The following SEPTIN14 variants were observed in gnomAD, a reference collection of about 807,000 sequenced individuals.
SEPTIN14 encodes septin 14.
Under a neutral mutation model 53.6 loss-of-function variants are expected in SEPTIN14, and 40 were observed. The ratio of observed to expected loss-of-function variants is 0.75; its 90% confidence interval spans 0.58 to 0.97. The LOEUF (loss-of-function observed/expected upper bound fraction) is 0.97. Among genes scored for constraint, SEPTIN14 ranks in the 50% least tolerant of loss-of-function variants. The probability of loss-of-function intolerance (pLI) is 0.00; values close to 1 mark genes in which losing one functional copy is unlikely to be tolerated. For missense variants in SEPTIN14, 471 were observed against 508.2 expected (o/e 0.93, Z 0.70); for synonymous variants, 138 against 166.8 (o/e 0.83, Z 1.33).
chr7:55,862,598 T>A (rs1789769268), intron 1 of SEPTIN14, 90 bp downstream of exon 1: 1 of 152,278 alleles, frequency 6.6e-6, no homozygotes, highest in Non-Finnish European at 1.5e-5. Flanking sequence ...TTTACCTCTG[T>A]TAGTCCTCAT....
chr7:55,809,982 G>A lies in SEPTIN14; in HGVS notation c.818-2724C>T, dbSNP rs150142205. On this transcript the variant is annotated intron_variant, in intron 7 of 9. Coordinates refer to ENST00000388975, the MANE Select transcript of SEPTIN14 (RefSeq NM_207366.3). ...CAAGTAGCTGGGACTACAGGCGCCC[G>A]TCACTACGCCAGGCTGATTTTGTGT... is the stretch of plus-strand genomic sequence containing the variant. Among the ~76,000 whole-genome samples, 438 of 151,802 alleles carry A rather than the reference G, an allele frequency of 2.9e-3. 5 individuals carry two copies. Among genetic ancestry groups the A allele is most frequent in the Middle Eastern group, 0.01 (3 of 292 alleles).
chr7:55,838,179 A>G (rs1401027343), intron 5 of SEPTIN14, among the ~76,000 whole-genome samples: 8 of 152,200 alleles, frequency 5.3e-5, no homozygotes, highest in Non-Finnish European at 8.8e-5. Context: ...ATGGGGCTTA[A>G]GCAGCCTATT....
intron 7 of SEPTIN14, among the ~76,000 whole-genome samples, chr7:55,811,776 G>A: frequency 6.6e-6 from 1 of 151,406 alleles, no homozygotes. Flanking sequence ...TGGGATTACA[G>A]GTGTGAGCCA....
At chr7:55,801,645 T>A (rs1217393007) in intron 9 of SEPTIN14, among the ~76,000 whole-genome samples, 2 of 152,104 alleles carry the variant, frequency 1.3e-5, no homozygotes, top group East Asian at 3.9e-4. Context: ...ATAGGCCAGG[T>A]GCAGTGGCTC....
Position 55,811,569 on chromosome 7 carries a change from T to C in SEPTIN14, c.818-4311A>G, listed in dbSNP as rs1451261575. On this transcript the variant is annotated intron_variant, in intron 7 of 9. Transcript: ENST00000388975. The stretch of plus-strand genomic sequence containing the variant: ...CAGGCTGGAGTGTAGTGGTGTGATC[T>C]CAGCTCACTGCAACCTCCGCCTCCC... Among the ~76,000 whole-genome samples, 3 of 146,300 alleles carry C rather than the reference T, an allele frequency of 2.1e-5. No individual in the cohort carries two copies. In the Admixed American group the frequency reaches 2.1e-4, roughly 10 times the overall value.
intron 8 of SEPTIN14, among the ~76,000 whole-genome samples, chr7:55,805,892 T>C (rs1788602967): frequency 6.6e-6 from 1 of 152,176 alleles, no homozygotes; most frequent in South Asian, 2.1e-4. Flanking sequence ...TTTCAAAATA[T>C]CATCATTCAT....
At chr7:55,852,939 G>A (rs532466948) in intron 2 of SEPTIN14, among the ~76,000 whole-genome samples, 1 of 152,258 alleles carries the variant, frequency 6.6e-6, no homozygotes, top group South Asian at 2.1e-4. Flanking sequence ...ATAAAAAGGT[G>A]CTCAACATCA....
At chr7:55,845,568 T>C (rs1326164874) in intron 3 of SEPTIN14, among the ~76,000 whole-genome samples, 1 of 152,234 alleles carries the variant, frequency 6.6e-6, no homozygotes, top group Admixed American at 6.5e-5. Flanking sequence ...CATAAAAAAA[T>C]GATAAGTAAA....
At chr7:55,825,345 G>C (rs1387812544) in intron 6 of SEPTIN14, among the ~76,000 whole-genome samples, 31 of 152,194 alleles carry the variant, frequency 2.0e-4, no homozygotes, top group Non-Finnish European at 2.9e-5. Context: ...AGGGAAAAGA[G>C]GGAGACAAAT....
At position 55,819,145 on chromosome 7, in the gene SEPTIN14, G is replaced by T; in HGVS notation, c.799C>A (p.Pro267Thr). 1 of 1,582,156 alleles carries T rather than the reference G, an allele frequency of 6.3e-7. No individual in the cohort carries two copies. The highest frequency in any genetic ancestry group is 8.6e-7 in the Non-Finnish European group (1 of 1,162,552). ...GKRMVRGRHY[P>T]WGVLQVENEN... ...TTTTTACCTTGCAAAACTCCCCAAGGGTAGTGACGGCCTCTGACCATCCTT... is the reference window on the plus strand; with the variant it reads ...TTTTTACCTTGCAAAACTCCCCAAGTGTAGTGACGGCCTCTGACCATCCTT... Residue 267 changes from proline to threonine, a missense_variant, in exon 7 of 10, where the codon CCT becomes ACT. Physicochemically the swap from Pro to Thr is conservative, Grantham distance 38 (BLOSUM62 -1). Transcript: ENST00000388975.
At chr7:55,849,516 C>T (rs1228968281) in intron 2 of SEPTIN14, among the ~76,000 whole-genome samples, 2 of 151,692 alleles carry the variant, frequency 1.3e-5, no homozygotes, top group Non-Finnish European at 2.9e-5. Context: ...GAGGCTGAGG[C>T]AGGGAGATCA....
chr7:55,849,828 A>G (rs1244053745), intron 2 of SEPTIN14, among the ~76,000 whole-genome samples: 1 of 152,212 alleles, frequency 6.6e-6, no homozygotes, highest in Non-Finnish European at 1.5e-5. Flanking sequence ...ACTACAGACC[A>G]CACAGATAAC....
chr7:55,832,526 A>T (rs1259443573), intron 6 of SEPTIN14, among the ~76,000 whole-genome samples: 1 of 151,942 alleles, frequency 6.6e-6, no homozygotes, highest in African/African-American at 2.4e-5. Context: ...AGTGGACTGG[A>T]TTTATTTTAA....
At chr7:55,833,370 A>C (rs1373705915) in intron 6 of SEPTIN14, among the ~76,000 whole-genome samples, 1 of 151,960 alleles carries the variant, frequency 6.6e-6, no homozygotes, top group Admixed American at 6.6e-5. Flanking sequence ...AAACACACAC[A>C]CACAAATAGC....
In SEPTIN14 at chr7:55,807,091, T is replaced by C. The variant is rs762669307; in HGVS notation, c.985A>G (p.Ser329Gly). Residue 329 changes from serine (S) to glycine (G), a missense_variant and splice_region_variant, in exon 8 of 10, where the codon AGT (serine) becomes GGT (glycine). Transcript: ENST00000388975. ...TGTGCTAGCAATATTTTTACTCACCTAACTGGCTGGTTGTTTGGACCCACA... is the reference window on the plus strand; with the variant it reads ...TGTGCTAGCAATATTTTTACTCACCCAACTGGCTGGTTGTTTGGACCCACA... ...TDVGPNNQPV[S>G]FQEIFEAKRQ... 6.3e-7 allele frequency: 1 copy of C among 1,585,674 alleles called. No individual in the cohort carries two copies. The highest frequency in any genetic ancestry group is 8.5e-7 in the Non-Finnish European group (1 of 1,171,550).
At chr7:55,825,000 A>G (rs1035138449) in intron 6 of SEPTIN14, among the ~76,000 whole-genome samples, 1 of 152,166 alleles carries the variant, frequency 6.6e-6, no homozygotes, top group Non-Finnish European at 1.5e-5. Flanking sequence ...ATCAGTATTT[A>G]TCCAAATAAG....
At chr7:55,850,273 AC>A (rs573578674) in intron 2 of SEPTIN14, among the ~76,000 whole-genome samples, 161 of 152,242 alleles carry the variant, frequency 1.1e-3, no homozygotes, top group African/African-American at 3.0e-3. Context: ...GGAGTTCAAG[AC>A]AACCTGACCA....
chr7:55,799,688 G>A (rs1788496528), intron 9 of SEPTIN14, among the ~76,000 whole-genome samples: 1 of 151,928 alleles, frequency 6.6e-6, no homozygotes, highest in African/African-American at 2.4e-5. Context: ...TTTATAAAGA[G>A]GTTATAACAA....
At chr7:55,797,898 AAAC>A (rs769836984) in intron 9 of SEPTIN14, 12 of 153,270 alleles carry the variant, frequency 7.8e-5, no homozygotes, top group South Asian at 6.1e-4. Context: ...ACTGCATCTC[AAAC>A]AACAACAACA....
Sources: gnomAD v4.1 joint callset for allele counts (sites outside exome capture counted in the v4.1 genomes callset) on GRCh38, gnomAD v4.1.1 for gene constraint, MANE v1.5 for transcripts, NCBI Gene and HGNC (gene_info 2026-07-23, HGNC 2026-07-21) for gene names.